The following TTN variants were observed in gnomAD, a reference collection of about 807,000 sequenced individuals.
TTN encodes the protein titin, also known as connectin.
TTN carries 1,525 observed loss-of-function variants against 3,223.0 expected under a neutral mutation model. The ratio of observed to expected loss-of-function variants is 0.47; its 90% CI spans 0.45 to 0.49. The LOEUF is 0.49. Among genes scored for constraint, TTN ranks in the 20% least tolerant of loss-of-function variants. The pLI, the probability that TTN is intolerant of heterozygous loss-of-function variation, is 0.00. For synonymous variants in TTN, 14,094 were observed against 15,161.0 expected, an observed-to-expected ratio of 0.93 and a Z score of 5.17; for missense variants, 40,786 against 43,424.0, an observed-to-expected ratio of 0.94 and a Z score of 5.40.
chr2:178,794,887 T>C lies in TTN; in HGVS notation c.1245+35A>G. ...AAATCCAGTTGGAGAAACTAGAATG[T>C]GAAATAAGGAAAAACAAAACCATTC... On this transcript the variant is annotated intron_variant, in intron 7 of 362. Transcript: ENST00000589042. The C allele has an allele frequency of 1.9e-6, 3 of 1,596,694 alleles. No homozygotes were observed. The South Asian group carries it at 3.3e-5, about 18-fold the overall frequency.
Position 178,800,483 on chromosome 2 carries a change from T to C in TTN, c.495A>G (p.Glu165=). ...AGGTCCCTGAGTCCTCAGGGTATGC[T>C]TCTGCAATCAGTAAGCTGTAGAGGT... ...EGDLYSLLIA[E]AYPEDSGTYS... is the part of the protein sequence containing the mutation. Residue 165 remains glutamate (E), a synonymous_variant, in exon 4 of 363, where the codon GAA becomes GAG. Coordinates refer to ENST00000589042, the MANE Select transcript of TTN (RefSeq NM_001267550.2). 6.2e-7 allele frequency: 1 copy of C among 1,614,186 alleles called. No individual in the cohort carries two copies. Among genetic ancestry groups the C allele is most frequent in the Admixed American group, 1.7e-5 (1 of 60,028 alleles).
Position 178,665,768 on chromosome 2 carries a change from C to G in TTN, c.35899G>C (p.Val11967Leu). Reference protein sequence around the residue: ...PTVPESPREIVPVKETPMAAP... With the variant: ...PTVPESPREILPVKETPMAAP... Reference sequence around the variant, plus strand: ...GCCATGGGTGTTTCCTTTACAGGGACAATTTCTCGAGGTGATTCAGGCACT... The same window carrying G: ...GCCATGGGTGTTTCCTTTACAGGGAGAATTTCTCGAGGTGATTCAGGCACT... Residue 11967 changes from valine (V) to leucine (L), a missense_variant, in exon 164 of 363, where the codon GTC becomes CTC. Physicochemically the swap from Val to Leu is conservative, Grantham distance 32. Coordinates refer to ENST00000589042, the MANE Select transcript of TTN (RefSeq NM_001267550.2). 1 of 1,295,870 alleles carries G rather than the reference C, an allele frequency of 7.7e-7. No individual in the cohort carries two copies. The highest frequency in any genetic ancestry group is 9.7e-7 in the Non-Finnish European group (1 of 1,026,878). The allele number at this position is 1,295,870 out of a possible 1,614,324, so 80.3% of individuals were successfully genotyped here.
In TTN at chr2:178,642,972, C is replaced by T. The variant is rs559075075; in HGVS notation, c.40478-655G>A. ...TCTTAAATTCATTCAAATTAAGGAA[C>T]GCAAGGAATTCAAAATTTCCTGTTG... is the stretch of plus-strand genomic sequence containing the variant. On this transcript the variant is annotated intron_variant, in intron 218 of 362. Coordinates refer to ENST00000589042, the MANE Select transcript of TTN (RefSeq NM_001267550.2). Among the ~76,000 whole-genome samples the T allele has an allele frequency of 4.6e-5, 7 of 152,034 alleles. No homozygotes were observed. The East Asian group carries it at 7.7e-4, about 17-fold the overall frequency.
rs775115560 is a variant in TTN, at chr2:178,565,183, A to C, written c.80949T>G (p.Asp26983Glu). The C allele has an allele frequency of 6.2e-7, 1 of 1,613,404 alleles. No individual in the cohort carries two copies. The highest frequency in any genetic ancestry group is 8.5e-7 in the Non-Finnish European group (1 of 1,179,642). The change falls in exon 326 of 363, where the codon GAT (aspartate) becomes GAG (glutamate). Residue 26983 changes from aspartate (D) to glutamate (E), a missense_variant. Asp to Glu is a conservative substitution (Grantham distance 45, BLOSUM62 2). Coordinates refer to ENST00000589042, the MANE Select transcript of TTN (RefSeq NM_001267550.2). ...TGACTACAAAGTCTGCACTAACTTC[A>C]TCAAACCGAACTGGGCCAACTGGAG... ...PGPPVGPVRF[D>E]EVSADFVVIS...
intron 306 of TTN, 31 bp from the exon 307 acceptor site, chr2:178,587,448 G>A: frequency 6.2e-7 from 1 of 1,603,156 alleles, no homozygotes; most frequent in South Asian, 1.1e-5. Context: ...AGATATACAT[G>A]TCTCCTCAGC....
rs540278164 is a variant in TTN, at chr2:178,772,975, ACTATTGG to A, written c.7855+127_7855+133del. The A allele has an allele frequency of 5.0e-4, 563 of 1,116,712 alleles. 1 individual carries two copies. In the African/African-American group the frequency reaches 8.0e-3, roughly 16 times the overall value. The allele number at this position is 1,116,712 out of a possible 1,614,324, so 69.2% of individuals were successfully genotyped here. ...GGCTGGTGGGAATGGTGTTGCAAGTACTATTGGCTTTGGGAACAGCATAAGCAGAGGC... is the reference window on the plus strand; with the variant it reads ...GGCTGGTGGGAATGGTGTTGCAAGTACTTTGGGAACAGCATAAGCAGAGGC... On this transcript the variant is annotated intron_variant, in intron 33 of 362. Transcript: ENST00000589042.
At position 178,734,920 on chromosome 2, in the gene TTN, G is replaced by T; in HGVS notation, c.15004C>A (p.His5002Asn). 6.2e-7 allele frequency: 1 copy of T among 1,612,040 alleles called. No homozygotes were observed. The highest frequency in any genetic ancestry group is 2.2e-5 in the East Asian group (1 of 44,694). The change falls in exon 51 of 363, where the codon CAT becomes AAT. Residue 5002 changes from histidine to asparagine, a missense_variant. His to Asn is a moderately conservative substitution (Grantham distance 68). Transcript: ENST00000589042. ...ACAGGTGAGCCTTTCAGCTTGCAAT[G>T]GAGGCGTGCTGATTCACCTGGGAGC... ...LMLPGESARLHCKLKGSPVIQ... is the reference protein window; with the variant it reads ...LMLPGESARLNCKLKGSPVIQ...
chr2:178,667,576 G>A, intron 160 of TTN, 51 bp from the exon 161 acceptor site: 1 of 1,579,972 alleles, frequency 6.3e-7, no homozygotes, highest in East Asian at 2.2e-5. Context: ...GAAAAATATT[G>A]AGCTTTTTAA....
Position 178,703,737 on chromosome 2 carries a change from A to G in TTN, c.30223+410T>C, listed in dbSNP as rs765730520. 7.7e-4 allele frequency among the ~76,000 whole-genome samples: 117 copies of G among 152,254 alleles called. 2 individuals are homozygous for G. The highest frequency in any genetic ancestry group is 2.6e-4 in the Non-Finnish European group (18 of 68,042). ...CACATGACATGTTTATGTTATCTAT[A>G]TAATTTTGTACAGAGAAAGTCAGAC... On this transcript the variant is annotated intron_variant, in intron 106 of 362. Transcript: ENST00000589042.
chr2:178,685,289 T>G lies in TTN; in HGVS notation c.32434A>C (p.Ile10812Leu). ...GGAGGCTCCTCTATTTTAGCAGGAA[T>G]TTTTGGTTTCAGTACAATTTTCTTC... ...QEKKIVLKPK[I>L]PAKIEEPPPA... The change falls in exon 129 of 363, where the codon ATT becomes CTT. Residue 10812 changes from isoleucine (I) to leucine (L), a missense_variant. Transcript: ENST00000589042. The G allele has an allele frequency of 6.4e-7, 1 of 1,552,762 alleles. No individual in the cohort carries two copies. The highest frequency in any genetic ancestry group is 8.7e-7 in the Non-Finnish European group (1 of 1,147,728).
At position 178,644,593 on chromosome 2, in the gene TTN, C is replaced by G; in HGVS notation, c.40432G>C (p.Glu13478Gln). The G allele has an allele frequency of 6.4e-7, 1 of 1,574,406 alleles. No homozygotes were observed. The highest frequency in any genetic ancestry group is 8.6e-7 in the Non-Finnish European group (1 of 1,163,872). Residue 13478 changes from glutamate (E) to glutamine (Q), a missense_variant, in exon 218 of 363, where the codon GAA becomes CAA. Transcript: ENST00000589042. ...ACTTTTTCTGGAACCTGAGGTTTTT[C>G]AGGAACTTTCTTCTTTGGAATAGCT... The part of the protein sequence containing the change: ...LKAIPKKKVP[E>Q]KPQVPEKVEL...
Position 178,537,768 on chromosome 2 carries a change from A to AT in TTN, c.99438dup (p.Tyr33147IlefsTer22). On this transcript the variant is annotated frameshift_variant, in exon 355 of 363. Transcript: ENST00000589042. LOFTEE classifies it high-confidence loss of function. ...GTGCGTCCATCTGAAGACATTTTGTATTTCCGGCTTTGTATGAGCTCTTTA... is the reference window on the plus strand; with the variant it reads ...GTGCGTCCATCTGAAGACATTTTGTATTTTCCGGCTTTGTATGAGCTCTTTA... 1 of 1,613,740 alleles carries AT rather than the reference A, an allele frequency of 6.2e-7. No individual in the cohort carries two copies. The highest frequency in any genetic ancestry group is 1.1e-5 in the South Asian group (1 of 91,070).
At position 178,575,262 on chromosome 2, in the gene TTN, C is replaced by G. The variant is rs761395692; in HGVS notation, c.70870G>C (p.Val23624Leu). Residue 23624 changes from valine to leucine, a missense_variant, in exon 326 of 363, where the codon GTC becomes CTC. Transcript: ENST00000589042. This position sits in a 1 kb window ranked among gnomAD's most constrained non-coding sequence, Gnocchi z 4.0. ...TCTGGAAGCATTGTCTGCTCCTTGACAATGACGGGTCTGCTTTCTCTAGGG... is the reference window on the plus strand; with the variant it reads ...TCTGGAAGCATTGTCTGCTCCTTGAGAATGACGGGTCTGCTTTCTCTAGGG... ...SAPRESRPVIVKEQTMLPELD... is the reference protein window; with the variant it reads ...SAPRESRPVILKEQTMLPELD... 15 of 1,613,336 alleles carry G rather than the reference C, an allele frequency of 9.3e-6. No homozygotes were observed. The South Asian group carries it at 1.6e-4, about 18-fold the overall frequency.
chr2:178,602,914 T>C (rs1435030199), intron 282 of TTN, among the ~76,000 whole-genome samples: 3 of 151,994 alleles, frequency 2.0e-5, no homozygotes, highest in Non-Finnish European at 4.4e-5. Flanking sequence ...AATTCTACAA[T>C]AGCCTTTACT....
In TTN at chr2:178,578,122, A is replaced by G. The variant is rs1444203818; in HGVS notation, c.68393T>C (p.Ile22798Thr). The change falls in exon 322 of 363, where the codon ATA (isoleucine) becomes ACA (threonine). Residue 22798 changes from isoleucine (I) to threonine (T), a missense_variant. Ile to Thr is a moderately conservative substitution (Grantham distance 89, BLOSUM62 -1). Coordinates refer to ENST00000589042, the MANE Select transcript of TTN (RefSeq NM_001267550.2). ...LLWKRANKTP[I>T]RMRDFKVTGL... ...TGTCACTTTAAAGTCTCTCATCCTTATCGGAGTCTTGTTAGCTCTCTTCCA... is the reference window on the plus strand; with the variant it reads ...TGTCACTTTAAAGTCTCTCATCCTTGTCGGAGTCTTGTTAGCTCTCTTCCA... The G allele has an allele frequency of 1.5e-5, 24 of 1,613,214 alleles. No homozygotes were observed. Among genetic ancestry groups the G allele is most frequent in the Non-Finnish European group, 1.9e-5 (22 of 1,179,434 alleles).
chr2:178,551,160 A>G lies in TTN; in HGVS notation c.91371T>C (p.Tyr30457=), dbSNP rs1228799485. The change falls in exon 336 of 363, where the codon TAT becomes TAC. Residue 30457 remains tyrosine (Y), a synonymous_variant. Transcript: ENST00000589042. ...LRDGGSKIVG[Y]SIEKRQGNER... is the part of the protein sequence containing the mutation. ...CATTTCCTTGCCGTTTCTCAATGCT[A>G]TAGCCCACAATCTTACTGCCTCCAT... 3.7e-6 allele frequency: 6 copies of G among 1,613,448 alleles called. No homozygotes were observed. Among genetic ancestry groups the G allele is most frequent in the Non-Finnish European group, 5.1e-6 (6 of 1,179,668 alleles).
At chr2:178,758,848 C>T (rs2088123655) in intron 44 of TTN, 136 bp downstream of exon 44, 2 of 913,078 alleles carry the variant, frequency 2.2e-6, no homozygotes, top group Admixed American at 2.0e-5. Flanking sequence ...TGGCATATAA[C>T]AGGGAAATAA....
chr2:178,667,341 T>A, intron 161 of TTN, 22 bp from the exon 162 acceptor site: 5 of 1,584,206 alleles, frequency 3.2e-6, no homozygotes, highest in Non-Finnish European at 4.3e-6. Context: ...TTAGTAGGTT[T>A]ACATTTAAAA....
intron 47 of TTN, chr2:178,747,459 T>C: frequency 6.2e-7 from 1 of 1,613,446 alleles, no homozygotes; most frequent in Non-Finnish European, 8.5e-7. Flanking sequence ...AACTCAGATA[T>C]TTCTTCACTG....
Sources: allele counts gnomAD v4.1 joint callset (sites outside exome capture counted in the v4.1 genomes callset), GRCh38; gene constraint gnomAD v4.1.1; non-coding constraint Gnocchi (gnomAD v3.1); transcripts MANE v1.5; gene names NCBI Gene and HGNC (gene_info 2026-07-23, HGNC 2026-07-21).